CNBD1: variants seen among roughly 807,000 people sequenced by gnomAD.
The protein encoded by CNBD1 is cyclic nucleotide binding domain containing 1, also known as cyclic nucleotide-binding domain-containing protein 1.
Under a neutral mutation model 54.4 loss-of-function variants are expected in CNBD1, and 71 were observed. The observed-to-expected ratio is 1.30, with a 90% CI of 1.08 to 1.59. CNBD1 has a LOEUF of 1.59. Ranked by LOEUF, CNBD1 falls within the 40% of genes most tolerant of loss-of-function variation. The pLI is 0.00. For synonymous variants in CNBD1, 182 were observed against 170.7 expected, an observed-to-expected ratio of 1.07 and a Z score of -0.51; for missense variants, 659 against 518.0, an observed-to-expected ratio of 1.27 and a Z score of -2.64.
At chr8:87,072,947 T>C (rs1810789391) in intron 4 of CNBD1, among the ~76,000 whole-genome samples, 1 of 152,200 alleles carries the variant, frequency 6.6e-6, no homozygotes, top group Non-Finnish European at 1.5e-5. Context: ...GGCACCCCAA[T>C]CTGTCATAGG....
intron 3 of CNBD1, among the ~76,000 whole-genome samples, chr8:86,936,103 C>A (rs1809542567): frequency 6.6e-6 from 1 of 152,046 alleles, no homozygotes; most frequent in Non-Finnish European, 1.5e-5. Flanking sequence ...CATGCCATTG[C>A]ACTCCATCCT....
intron 4 of CNBD1, among the ~76,000 whole-genome samples, chr8:87,126,553 T>C (rs1291427770): frequency 1.1e-4 from 16 of 152,060 alleles, no homozygotes; most frequent in Admixed American, 1.0e-3. Flanking sequence ...ATATCTCCTT[T>C]ATCAAATATG....
intron 4 of CNBD1, among the ~76,000 whole-genome samples, chr8:87,101,224 G>T (rs958894823): frequency 1.4e-4 from 21 of 152,188 alleles, no homozygotes; most frequent in Non-Finnish European, 2.5e-4. Flanking sequence ...TGATCAAGAT[G>T]TTGTAAGTAG....
chr8:87,359,907 A>G (rs1184261291), intron 10 of CNBD1, among the ~76,000 whole-genome samples: 2 of 152,088 alleles, frequency 1.3e-5, no homozygotes, highest in Admixed American at 1.3e-4. Flanking sequence ...TTATGTTCCA[A>G]TAGAATCCTC....
In CNBD1 at chr8:87,079,173, AGTTTT is replaced by A. The variant is rs1271474926; in HGVS notation, c.432-126817_432-126813del. On this transcript the variant is annotated intron_variant, in intron 4 of 10. Transcript: ENST00000518476. The stretch of plus-strand genomic sequence containing the variant: ...AGCATGCAGATTTTAATGTCATCCA[AGTTTT>A]GTGGTAATCTGTTACTTTTTAATAA... Among the ~76,000 whole-genome samples the A allele has an allele frequency of 1.8e-4, 27 of 152,116 alleles. No individual in the cohort carries two copies. In the East Asian group the frequency reaches 4.8e-3, roughly 27 times the overall value.
At chr8:87,271,780 A>G (rs1808370674) in intron 6 of CNBD1, among the ~76,000 whole-genome samples, 2 of 152,028 alleles carry the variant, frequency 1.3e-5, no homozygotes, top group African/African-American at 4.8e-5. Context: ...AAAATAAATT[A>G]GTATATCAAA....
At chr8:87,133,696 TAA>T (rs200198528) in intron 4 of CNBD1, among the ~76,000 whole-genome samples, 15 of 141,806 alleles carry the variant, frequency 1.1e-4, no homozygotes, top group African/African-American at 2.6e-4. Context: ...TCTTTTAAAG[TAA>T]AAAAAAAAAA....
chr8:87,267,829 G>C (rs1478815963), intron 6 of CNBD1, among the ~76,000 whole-genome samples: 1 of 152,048 alleles, frequency 6.6e-6, no homozygotes, highest in East Asian at 1.9e-4. Context: ...TATAAAAGTA[G>C]AGCATATAGT....
chr8:87,250,898 A>G (rs944686918), intron 6 of CNBD1, among the ~76,000 whole-genome samples: 3 of 152,148 alleles, frequency 2.0e-5, no homozygotes, highest in East Asian at 1.9e-4. Context: ...AGGAAGTAAG[A>G]TGTTGTATTT....
At chr8:87,089,516 G>A (rs949455474) in intron 4 of CNBD1, among the ~76,000 whole-genome samples, 2 of 152,064 alleles carry the variant, frequency 1.3e-5, no homozygotes, top group African/African-American at 2.4e-5. Context: ...CTAATGGTTT[G>A]TCTGGATTTG....
At chr8:86,999,791 G>A (rs1808955166) in intron 4 of CNBD1, among the ~76,000 whole-genome samples, 1 of 152,100 alleles carries the variant, frequency 6.6e-6, no homozygotes, top group African/African-American at 2.4e-5. Flanking sequence ...TTCTGCAGTG[G>A]GGAGAAAGCT....
chr8:87,059,813 G>T (rs1444533563), intron 4 of CNBD1, among the ~76,000 whole-genome samples: 1 of 152,206 alleles, frequency 6.6e-6, no homozygotes, highest in African/African-American at 2.4e-5. Flanking sequence ...GCAGTGCACT[G>T]TTGGTGACCT....
intron 4 of CNBD1, among the ~76,000 whole-genome samples, chr8:87,088,368 G>A (rs1013585629): frequency 6.6e-5 from 10 of 152,210 alleles, no homozygotes; most frequent in Middle Eastern, 3.4e-3. Context: ...GTGTGATTGA[G>A]GAAAATAGGA....
At chr8:87,333,378 C>T (rs970073552) in intron 8 of CNBD1, among the ~76,000 whole-genome samples, 1 of 152,108 alleles carries the variant, frequency 6.6e-6, no homozygotes, top group Admixed American at 6.6e-5. Context: ...CTTTCTCTTG[C>T]CTGATTACCC....
chr8:87,069,627 A>G (rs927777597), intron 4 of CNBD1, among the ~76,000 whole-genome samples: 3 of 152,056 alleles, frequency 2.0e-5, no homozygotes, highest in African/African-American at 7.2e-5. Flanking sequence ...CTCAGAAGCT[A>G]TTTCCATCAT....
At chr8:87,413,191 G>A (rs909539269) in intron 2 of CNBD1, among the ~76,000 whole-genome samples, 3 of 152,032 alleles carry the variant, frequency 2.0e-5, no homozygotes, top group African/African-American at 7.2e-5. Context: ...ACACAGGGTT[G>A]TGAAATTACA....
At chr8:87,024,767 A>G (rs1300292610) in intron 4 of CNBD1, among the ~76,000 whole-genome samples, 3 of 152,234 alleles carry the variant, frequency 2.0e-5, no homozygotes, top group Non-Finnish European at 4.4e-5. Context: ...CTTCTCCTAG[A>G]TAACGAGATA....
At chr8:87,422,739 A>T (rs1032577813) in intron 2 of CNBD1, among the ~76,000 whole-genome samples, 5 of 152,006 alleles carry the variant, frequency 3.3e-5, no homozygotes, top group African/African-American at 4.8e-5. Flanking sequence ...TTGGCTTAGG[A>T]TTGACTTGAC....
chr8:87,260,231 G>A (rs1047405277), intron 6 of CNBD1, among the ~76,000 whole-genome samples: 17 of 152,106 alleles, frequency 1.1e-4, no homozygotes, highest in African/African-American at 3.9e-4. Flanking sequence ...TAAAATTCCT[G>A]TACCCTGGAA....
Sources: gnomAD v4.1 joint callset for allele counts (sites outside exome capture counted in the v4.1 genomes callset) on GRCh38, gnomAD v4.1.1 for gene constraint, MANE v1.5 for transcripts, NCBI Gene and HGNC (gene_info 2026-07-23, HGNC 2026-07-21) for gene names.